EIPR1: variants seen among roughly 807,000 people sequenced by gnomAD.
EIPR1 encodes EARP complex and GARP complex interacting protein 1.
In EIPR1, 25 loss-of-function variants were observed where a neutral mutation model predicts 48.1. The ratio of observed to expected loss-of-function variants is 0.52; its 90% CI spans 0.38 to 0.73. EIPR1 has a LOEUF of 0.73. Ranked by LOEUF, EIPR1 falls within the 30% of genes least tolerant of loss-of-function variation. The pLI is 0.00. For synonymous variants in EIPR1, 204 were observed against 201.9 expected (o/e 1.01, Z -0.09); for missense variants, 415 against 506.2 (o/e 0.82, Z 1.73).
chr2:3,254,815 A>G (rs371007201), intron 4 of EIPR1, among the ~76,000 whole-genome samples: 1 of 152,224 alleles, frequency 6.6e-6, no homozygotes, highest in Admixed American at 6.5e-5. Context: ...CACACACACA[A>G]TAAATGGCAC....
At chr2:3,194,253 G>A (rs1237461189) in intron 6 of EIPR1, 87 bp from the exon 7 acceptor site, 1 of 1,528,834 alleles carries the variant, frequency 6.5e-7, no homozygotes, top group Non-Finnish European at 8.9e-7. Context: ...TGGTTTCCCG[G>A]GACCCTGTCT....
chr2:3,261,202 G>A (rs1278406283), intron 3 of EIPR1, among the ~76,000 whole-genome samples: 1 of 152,120 alleles, frequency 6.6e-6, no homozygotes, highest in East Asian at 1.9e-4. Flanking sequence ...CTGGCAGAGG[G>A]CTGTGGAGAC....
At chr2:3,349,004 A>G (rs1670488395) in intron 2 of EIPR1, among the ~76,000 whole-genome samples, 1 of 152,188 alleles carries the variant, frequency 6.6e-6, no homozygotes, top group Admixed American at 6.5e-5. Context: ...TTCAGGATGG[A>G]GCTGTCCTGA....
intron 3 of EIPR1, among the ~76,000 whole-genome samples, chr2:3,267,929 G>A (rs945217236): frequency 7.2e-5 from 11 of 152,212 alleles, no homozygotes; most frequent in Admixed American, 5.2e-4. Context: ...TGCTGAAGGC[G>A]CCCTGCAGAC....
At chr2:3,348,214 G>C (rs973626513) in intron 2 of EIPR1, among the ~76,000 whole-genome samples, 1 of 152,206 alleles carries the variant, frequency 6.6e-6, no homozygotes, top group African/African-American at 2.4e-5. Context: ...GAAACGAGCT[G>C]CTCTGTCGCT....
chr2:3,338,023 T>C lies in EIPR1; in HGVS notation c.253A>G (p.Asn85Asp), dbSNP rs1483243302. The change falls in exon 3 of 9, where the codon AAC (asparagine) becomes GAC (aspartate). Residue 85 changes from asparagine (N) to aspartate (D), a missense_variant. Coordinates refer to ENST00000382125, the MANE Select transcript of EIPR1 (RefSeq NM_003310.5). ...ADRGVLTTCY[N>D]RTSDSKVLTC... is the part of the protein sequence containing the mutation. The stretch of plus-strand genomic sequence containing the variant: ...TTAGAAAAGCCGCACTTACTTCTGT[T>C]GTAGCAGGTCGTCAGCACACCTCTG... The C allele has an allele frequency of 1.3e-6, 2 of 1,595,760 alleles. No individual in the cohort carries two copies. Among genetic ancestry groups the C allele is most frequent in the African/African-American group, 2.7e-5 (2 of 73,820 alleles).
At chr2:3,340,038 G>A (rs899742381) in intron 2 of EIPR1, among the ~76,000 whole-genome samples, 2 of 152,186 alleles carry the variant, frequency 1.3e-5, no homozygotes, top group African/African-American at 2.4e-5. Flanking sequence ...TTCGCCTTCC[G>A]CCATGATTGG....
At chr2:3,258,048 T>C (rs1572364831) in intron 3 of EIPR1, among the ~76,000 whole-genome samples, 2 of 152,224 alleles carry the variant, frequency 1.3e-5, no homozygotes, top group South Asian at 4.1e-4. Context: ...CCCAGCCTGG[T>C]CATGTCACCA....
At chr2:3,367,107 T>TAA (rs34760448) in intron 1 of EIPR1, among the ~76,000 whole-genome samples, 1 of 142,708 alleles carries the variant, frequency 7.0e-6, no homozygotes, top group African/African-American at 2.6e-5. Flanking sequence ...CTGATGAAAT[T>TAA]AAAAAAAAAA....
At chr2:3,287,652 T>G (rs1362623242) in intron 3 of EIPR1, among the ~76,000 whole-genome samples, 4 of 148,082 alleles carry the variant, frequency 2.7e-5, no homozygotes, top group South Asian at 4.3e-4. Context: ...TCCGGAAAGC[T>G]CGTTCACCAC....
In EIPR1 at chr2:3,189,916, T is replaced by C. The variant is rs1357295096; in HGVS notation, c.990-408A>G. ...GTAACACAGGATGTAAACGCCCCTA[T>C]TGCTTGAGCAGAAAGGACCCTGGGA... is the stretch of plus-strand genomic sequence containing the variant. On this transcript the variant is annotated intron_variant, in intron 8 of 8. Coordinates refer to ENST00000382125, the MANE Select transcript of EIPR1 (RefSeq NM_003310.5). The surrounding 1 kb of genome is among the most constrained non-coding windows in gnomAD (Gnocchi z 4.6). 1.3e-5 allele frequency among the ~76,000 whole-genome samples: 2 copies of C among 152,082 alleles called. No individual in the cohort carries two copies. Among genetic ancestry groups the C allele is most frequent in the Non-Finnish European group, 2.9e-5 (2 of 68,006 alleles).
At chr2:3,214,367 T>C in intron 4 of EIPR1, 119 bp from the exon 5 acceptor site, 1 of 883,598 alleles carries the variant, frequency 1.1e-6, no homozygotes, top group South Asian at 1.6e-5. Context: ...CTGTAGTCAC[T>C]AGAGTATTTT....
intron 4 of EIPR1, among the ~76,000 whole-genome samples, chr2:3,236,923 G>A (rs939129975): frequency 6.6e-6 from 1 of 152,134 alleles, no homozygotes; most frequent in Non-Finnish European, 1.5e-5. Context: ...TAGGCAAAAG[G>A]ACTAAGGCAA....
chr2:3,258,563 C>T (rs757124899), intron 3 of EIPR1, among the ~76,000 whole-genome samples: 239 of 152,292 alleles, frequency 1.6e-3, no homozygotes, highest in Non-Finnish European at 2.8e-3. Context: ...AAAATAACAA[C>T]GACCTTAGGT....
chr2:3,204,066 AACAG>A (rs1665140231), intron 5 of EIPR1, among the ~76,000 whole-genome samples: 1 of 152,254 alleles, frequency 6.6e-6, no homozygotes, highest in African/African-American at 2.4e-5. Flanking sequence ...CTGTTCCAGC[AACAG>A]ACAGACTAAC....
At chr2:3,204,292 C>T (rs937245538) in intron 5 of EIPR1, among the ~76,000 whole-genome samples, 9 of 152,328 alleles carry the variant, frequency 5.9e-5, no homozygotes, top group Non-Finnish European at 8.8e-5. Context: ...GTCATGCTAA[C>T]GCCTGTACTC....
intron 4 of EIPR1, among the ~76,000 whole-genome samples, chr2:3,228,889 C>T (rs1016687351): frequency 1.4e-4 from 22 of 152,164 alleles, no homozygotes; most frequent in African/African-American, 5.1e-4. Context: ...CCTGAGGCCT[C>T]CCCAGCAATG....
intron 4 of EIPR1, among the ~76,000 whole-genome samples, chr2:3,229,300 G>A (rs1486321747): frequency 2.6e-5 from 4 of 152,204 alleles, no homozygotes; most frequent in Non-Finnish European, 5.9e-5. Flanking sequence ...TTTACACTTC[G>A]TGTGCCTGCT....
chr2:3,334,531 G>A (rs1025793223), intron 3 of EIPR1, among the ~76,000 whole-genome samples: 6 of 152,264 alleles, frequency 3.9e-5, no homozygotes, highest in Admixed American at 6.5e-5. Context: ...AGGGCCTGGC[G>A]CCTTGCCCCA....
Sources: allele counts gnomAD v4.1 joint callset (sites outside exome capture counted in the v4.1 genomes callset), GRCh38; gene constraint gnomAD v4.1.1; non-coding constraint Gnocchi (gnomAD v3.1); transcripts MANE v1.5; gene names NCBI Gene and HGNC (gene_info 2026-07-23, HGNC 2026-07-21).